The following AHNAK2 variants were observed in gnomAD, a reference collection of about 807,000 sequenced individuals.
AHNAK2 encodes AHNAK nucleoprotein 2.
Under a neutral mutation model 30.7 loss-of-function variants are expected in AHNAK2, and 18 were observed. The ratio of observed to expected loss-of-function variants is 0.59; its 90% CI spans 0.41 to 0.87. The LOEUF (loss-of-function observed/expected upper bound fraction) is 0.87, where lower values mean the gene tolerates loss of function less well. AHNAK2 is among the 40% of genes least tolerant of loss of function. AHNAK2 has a pLI of 0.00. For missense variants in AHNAK2, 8,604 were observed against 7,373.0 expected (o/e 1.17, Z -6.11); for synonymous variants, 3,590 against 3,073.8 (o/e 1.17, Z -5.56).
Position 104,945,379 on chromosome 14 carries a change from T to C in AHNAK2, c.10072A>G (p.Ile3358Val), listed in dbSNP as rs1898205698. The change falls in exon 7 of 7, where the codon ATT becomes GTT. Residue 3358 changes from isoleucine (I) to valine (V), a missense_variant. Transcript: ENST00000333244. ...TCCAGGTCCACAGAAGGGAGCTGAATGCTGAGGTCAGTGGTCTTGAGGTCC... is the reference window on the plus strand; with the variant it reads ...TCCAGGTCCACAGAAGGGAGCTGAACGCTGAGGTCAGTGGTCTTGAGGTCC... ...QGDLKTTDLS[I>V]QLPSVDLEVQ... 1 of 1,612,550 alleles carries C rather than the reference T, an allele frequency of 6.2e-7. No homozygotes were observed. The highest frequency in any genetic ancestry group is 1.3e-5 in the African/African-American group (1 of 74,516).
chr14:104,946,467 T>A lies in AHNAK2; in HGVS notation c.8984A>T (p.Lys2995Met), dbSNP rs924316874. 2 of 1,612,392 alleles carry A rather than the reference T, an allele frequency of 1.2e-6. No homozygotes were observed. Among genetic ancestry groups the A allele is most frequent in the African/African-American group, 1.3e-5 (1 of 74,412 alleles). Residue 2995 changes from lysine to methionine, a missense_variant, in exon 7 of 7, where the codon AAG becomes ATG. Lys to Met is a moderately conservative substitution (Grantham distance 95). Coordinates refer to ENST00000333244, the MANE Select transcript of AHNAK2 (RefSeq NM_138420.4). ...CACATCCACCGAGACCTCAATGGAC[T>A]TGCCTGGGGCAGACACCCCGAACGA... ...MPSFGVSAPG[K>M]SIEVSVDVSA...
In AHNAK2 at chr14:104,947,088, G is replaced by T; in HGVS notation, c.8363C>A (p.Ala2788Glu). The change falls in exon 7 of 7, where the codon GCA (alanine) becomes GAA (glutamate). Residue 2788 changes from alanine (A) to glutamate (E), a missense_variant. Physicochemically the swap from Ala to Glu is moderately radical, Grantham distance 107. Coordinates refer to ENST00000333244, the MANE Select transcript of AHNAK2 (RefSeq NM_138420.4). ...CTCCAGCCGCGCACCATCCAGCTTT[G>T]CTCTCGGGGCCTGGACGTCCACCTC... is the stretch of plus-strand genomic sequence containing the variant. Reference protein sequence around the residue: ...SMEVDVQAPRAKLDGARLEGD... With the variant: ...SMEVDVQAPREKLDGARLEGD... 6.2e-7 allele frequency: 1 copy of T among 1,612,526 alleles called. No individual in the cohort carries two copies. The highest frequency in any genetic ancestry group is 8.5e-7 in the Non-Finnish European group (1 of 1,179,606).
intron 1 of AHNAK2, among the ~76,000 whole-genome samples, chr14:104,965,759 G>T (rs1254185312): frequency 6.6e-6 from 1 of 152,240 alleles, no homozygotes; most frequent in Non-Finnish European, 1.5e-5. Flanking sequence ...CTTGGGGACT[G>T]TCCCACGAAG....
Position 104,942,973 on chromosome 14 carries a change from C to T in AHNAK2, c.12478G>A (p.Glu4160Lys). ...KSMEASVDVS[E>K]LKAKADVSLP... Reference sequence around the variant, plus strand: ...CTCACGTCGGCTTTCGCCTTCAGCTCAGACACATCCACGGACGCCTCCATG... The same window carrying T: ...CTCACGTCGGCTTTCGCCTTCAGCTTAGACACATCCACGGACGCCTCCATG... Residue 4160 changes from glutamate (E) to lysine (K), a missense_variant, in exon 7 of 7, where the codon GAG (glutamate) becomes AAG (lysine). Physicochemically the swap from Glu to Lys is moderately conservative, Grantham distance 56 (BLOSUM62 1). Transcript: ENST00000333244. 6.2e-7 allele frequency: 1 copy of T among 1,613,378 alleles called. No individual in the cohort carries two copies. Among genetic ancestry groups the T allele is most frequent in the Non-Finnish European group, 8.5e-7 (1 of 1,179,634 alleles).
Position 104,948,741 on chromosome 14 carries a change from G to A in AHNAK2, c.6710C>T (p.Pro2237Leu). The stretch of plus-strand genomic sequence containing the variant: ...CTTGAAACTGGGCATCTGCAGCTTG[G>A]GCAGGTGCCCTTTGAGGCCGACTTC... ...PEEVGLKGHL[P>L]KLQMPSFKVP... The change falls in exon 7 of 7, where the codon CCC becomes CTC. Residue 2237 changes from proline (P) to leucine (L), a missense_variant. Pro to Leu is a moderately conservative substitution (Grantham distance 98). Coordinates refer to ENST00000333244, the MANE Select transcript of AHNAK2 (RefSeq NM_138420.4). The A allele has an allele frequency of 2.5e-6, 4 of 1,611,856 alleles. No individual in the cohort carries two copies. The highest frequency in any genetic ancestry group is 3.3e-4 in the Middle Eastern group (2 of 6,050).
intron 4 of AHNAK2, among the ~76,000 whole-genome samples, chr14:104,956,241 C>T (rs1898971898): frequency 6.6e-6 from 1 of 152,280 alleles, no homozygotes; most frequent in Middle Eastern, 3.4e-3. Flanking sequence ...TGCTGACTGG[C>T]CTTTTCAGCC....
chr14:104,969,312 A>G (rs736066), intron 1 of AHNAK2, among the ~76,000 whole-genome samples: 106,738 of 152,162 alleles, frequency 0.7, 37,573 homozygotes, highest in African/African-American at 0.75. Context: ...CCCTGGTGCC[A>G]TCCATCGGTC....
chr14:104,955,154 A>C lies in AHNAK2; in HGVS notation c.467-13T>G. 1 of 1,595,430 alleles carries C rather than the reference A, an allele frequency of 6.3e-7. No individual in the cohort carries two copies. Among genetic ancestry groups the C allele is most frequent in the Non-Finnish European group, 8.5e-7 (1 of 1,171,898 alleles). On this transcript the variant is annotated splice_polypyrimidine_tract_variant and intron_variant, in intron 5 of 6. Transcript: ENST00000333244. The stretch of plus-strand genomic sequence containing the variant: ...AGCAGCTGATCCCCTAGACCAAGAA[A>C]GAGCAGCCCCAGGGCCGGGTGTGTG...
At chr14:104,960,441 G>A (rs923486228) in intron 1 of AHNAK2, among the ~76,000 whole-genome samples, 1 of 152,210 alleles carries the variant, frequency 6.6e-6, no homozygotes, top group African/African-American at 2.4e-5. Flanking sequence ...ATGATTTAAA[G>A]TATAGGGGAG....
rs1262664589 is a variant in AHNAK2 at position 104,950,973 on chromosome 14, A to G, written c.4478T>C (p.Phe1493Ser). Residue 1493 changes from phenylalanine (F) to serine (S), a missense_variant, in exon 7 of 7, where the codon TTC becomes TCC. By Grantham distance (155) the Phe-to-Ser change is radical. Transcript: ENST00000333244. ...CGGCATCTTGAACTTGGGCATTTTG[A>G]ACTTGCTGTCTTTGGTAGTCAAGTC... ...DKDLTTKDSKFKMPKFKMPSF... is the reference protein window; with the variant it reads ...DKDLTTKDSKSKMPKFKMPSF... The G allele has an allele frequency of 3.8e-6, 5 of 1,301,370 alleles. No homozygotes were observed. Among genetic ancestry groups the G allele is most frequent in the Non-Finnish European group, 5.4e-6 (5 of 931,054 alleles). 80.6% of individuals were successfully genotyped at this position (1,301,370 alleles called of 1,614,324 possible).
rs1416591640 is a variant in AHNAK2 at position 104,950,493 on chromosome 14, G to T, written c.4958C>A (p.Ala1653Asp). ...GGGCATTTTGAACTTGCTGTCTTTG[G>T]CAGTCACCGCCTTGTCGGCCAGGGA... is the stretch of plus-strand genomic sequence containing the variant. ...DLSLADKAVT[A>D]KDSKFKMPKF... The change falls in exon 7 of 7, where the codon GCC becomes GAC. Residue 1653 changes from alanine to aspartate, a missense_variant. Physicochemically the swap from Ala to Asp is moderately radical, Grantham distance 126. Transcript: ENST00000333244. 8 of 1,586,488 alleles carry T rather than the reference G, an allele frequency of 5.0e-6. No homozygotes were observed. Among genetic ancestry groups the T allele is most frequent in the African/African-American group, 1.4e-5 (1 of 72,656 alleles).
At chr14:104,957,356 G>T in intron 3 of AHNAK2, 54 bp downstream of exon 3, 1 of 1,492,544 alleles carries the variant, frequency 6.7e-7, no homozygotes, top group Non-Finnish European at 9.0e-7. Flanking sequence ...TGCCCACACA[G>T]GGCGATGCAG....
At position 104,949,448 on chromosome 14, in the gene AHNAK2, C is replaced by T. The variant is rs368494029; in HGVS notation, c.6003G>A (p.Ser2001=). ...PKFKMPSFGV[S]APGRSIEASV... is the part of the protein sequence containing the mutation. ...AGGCCTCGATGGACCTCCCTGGGGC[C>T]GATACCCCGAACGACGGCATCTTGA... Residue 2001 remains serine (S), a synonymous_variant, in exon 7 of 7, where the codon TCG becomes TCA. Coordinates refer to ENST00000333244, the MANE Select transcript of AHNAK2 (RefSeq NM_138420.4). The T allele has an allele frequency of 2.9e-5, 46 of 1,583,214 alleles. 4 individuals are homozygous for T. Among genetic ancestry groups the T allele is most frequent in the African/African-American group, 1.8e-4 (13 of 72,112 alleles).
In AHNAK2 at chr14:104,941,686, C is replaced by A; in HGVS notation, c.13765G>T (p.Val4589Leu). ...TCCGTCTCCACGCTGGGCAGAGACA[C>A]CTCCACATCGGGGGCCATCACCTCT... Reference protein sequence around the residue: ...KAEVMAPDVEVSLPSVETDVQ... With the variant: ...KAEVMAPDVELSLPSVETDVQ... The change falls in exon 7 of 7, where the codon GTG (valine) becomes TTG (leucine). Residue 4589 changes from valine (V) to leucine (L), a missense_variant. By Grantham distance (32) the Val-to-Leu change is conservative (BLOSUM62 1). Coordinates refer to ENST00000333244, the MANE Select transcript of AHNAK2 (RefSeq NM_138420.4). 2 of 1,613,710 alleles carry A rather than the reference C, an allele frequency of 1.2e-6. No homozygotes were observed. Among genetic ancestry groups the A allele is most frequent in the Non-Finnish European group, 1.7e-6 (2 of 1,179,870 alleles).
chr14:104,947,330 G>T lies in AHNAK2; in HGVS notation c.8121C>A (p.Val2707=). The change falls in exon 7 of 7, where the codon GTC becomes GTA. Residue 2707 remains valine (V), a synonymous_variant. Transcript: ENST00000333244. ...SIQPPSAQLE[V]QAGQVDVKLP... is the part of the protein sequence containing the mutation. The stretch of plus-strand genomic sequence containing the variant: ...GTTTCACATCCACCTGGCCAGCCTG[G>T]ACCTCCAGTTGGGCAGAGGGGGGCT... The T allele has an allele frequency of 6.2e-7, 1 of 1,612,298 alleles. No homozygotes were observed. Among genetic ancestry groups the T allele is most frequent in the Non-Finnish European group, 8.5e-7 (1 of 1,179,518 alleles).
chr14:104,955,734 C>A, intron 4 of AHNAK2, 101 bp from the exon 5 acceptor site: 1 of 1,458,792 alleles, frequency 6.9e-7, no homozygotes, highest in Non-Finnish European at 9.2e-7. Context: ...ACCCCACCAT[C>A]CTTTCCATCA....
chr14:104,969,587 A>G (rs1899413939), intron 1 of AHNAK2, among the ~76,000 whole-genome samples: 1 of 152,242 alleles, frequency 6.6e-6, no homozygotes, highest in African/African-American at 2.4e-5. Context: ...ATGCTAGTGC[A>G]GGCAGTGCAT....
rs767132205 is a variant in AHNAK2 at position 104,946,827 on chromosome 14, C to A, written c.8624G>T (p.Gly2875Val). The A allele has an allele frequency of 4.3e-6, 7 of 1,612,492 alleles. No homozygotes were observed. The highest frequency in any genetic ancestry group is 1.6e-4 in the Middle Eastern group (1 of 6,070). Residue 2875 changes from glycine (G) to valine (V), a missense_variant, in exon 7 of 7, where the codon GGC becomes GTC. Gly to Val is a moderately radical substitution (Grantham distance 109). Coordinates refer to ENST00000333244, the MANE Select transcript of AHNAK2 (RefSeq NM_138420.4). Reference protein sequence around the residue: ...PPSAQLEVQAGQVDVKLPEGH... With the variant: ...PPSAQLEVQAVQVDVKLPEGH... ...CTCTGGGAGTTTCACGTCCACCTGG[C>A]CAGCCTGGACCTCCAGTTGGGCGGA...
In AHNAK2 at chr14:104,948,755, G is replaced by A. The variant is rs1309047996; in HGVS notation, c.6696C>T (p.Leu2232=). ...LEGPVPEEVG[L]KGHLPKLQMP... is the part of the protein sequence containing the mutation. ...TCTGCAGCTTGGGCAGGTGCCCTTT[G>A]AGGCCGACTTCCTCGGGCACAGGGC... Residue 2232 remains leucine, a synonymous_variant, in exon 7 of 7, where the codon CTC becomes CTT. Coordinates refer to ENST00000333244, the MANE Select transcript of AHNAK2 (RefSeq NM_138420.4). 6 of 1,611,800 alleles carry A rather than the reference G, an allele frequency of 3.7e-6. No individual in the cohort carries two copies. The Admixed American group carries it at 8.4e-5, about 22-fold the overall frequency.
Sources: gnomAD v4.1 joint callset for allele counts (sites outside exome capture counted in the v4.1 genomes callset) on GRCh38, gnomAD v4.1.1 for gene constraint, MANE v1.5 for transcripts, NCBI Gene and HGNC (gene_info 2026-07-23, HGNC 2026-07-21) for gene names.